Variants in SHROOM2 observed in about 807,000 individuals in gnomAD.
SHROOM2 encodes shroom family member 2, also known as protein Shroom2.
A neutral mutation model predicts 75.9 loss-of-function variants in SHROOM2; 33 were observed. The observed-to-expected ratio is 0.43, with a 90% CI of 0.33 to 0.58. The LOEUF (loss-of-function observed/expected upper bound fraction) is 0.58, where lower values mean the gene tolerates loss of function less well. Among genes scored for constraint, SHROOM2 ranks in the 20% least tolerant of loss-of-function variants. SHROOM2 has a pLI of 0.04. For synonymous variants in SHROOM2, 655 were observed against 663.6 expected (o/e 0.99, Z 0.20); for missense variants, 1,434 against 1,461.2 (o/e 0.98, Z 0.30).
chrX:9,786,578 G>A lies in SHROOM2; in HGVS notation c.33G>A (p.Glu11=). The A allele has an allele frequency of 2.3e-6, 2 of 864,523 alleles. No individual in the cohort carries two copies. Among genetic ancestry groups the A allele is most frequent in the African/African-American group, 4.3e-5 (2 of 46,735 alleles). The allele number at this position is 864,523 out of a possible 1,213,427, so 71.2% of individuals were successfully genotyped here. Residue 11 remains glutamate (E), a synonymous_variant, in exon 1 of 10, where the codon GAG becomes GAA. Transcript: ENST00000380913. ...GCGCCGAGCCCCGCGCGCGGCCCGAGCGCCTGGCCGAGGCCGAGACGCGGG... is the reference window on the plus strand; with the variant it reads ...GCGCCGAGCCCCGCGCGCGGCCCGAACGCCTGGCCGAGGCCGAGACGCGGG... MEGAEPRARP[E]RLAEAETRAA...
intron 5 of SHROOM2, among the ~76,000 whole-genome samples, chrX:9,919,637 T>G (rs759202730): frequency 1.8e-5 from 2 of 110,644 alleles, no homozygotes; most frequent in African/African-American, 6.6e-5. Flanking sequence ...GCCCCGCATT[T>G]CACTGGATCT....
intron 2 of SHROOM2, among the ~76,000 whole-genome samples, chrX:9,882,538 G>C (rs1317345234): frequency 9.0e-6 from 1 of 111,229 alleles, no homozygotes; most frequent in African/African-American, 3.3e-5. Context: ...TTATAGAAAT[G>C]AACATTACAG....
rs1461333246 is a variant in SHROOM2 at position 9,948,261 on chromosome X, G to A, written c.*1324G>A. The A allele has an allele frequency of 8.9e-6, 1 of 112,522 alleles. No individual in the cohort carries two copies. Among genetic ancestry groups the A allele is most frequent in the African/African-American group, 3.2e-5 (1 of 31,019 alleles). 9.3% of individuals were successfully genotyped at this position (112,522 alleles called of 1,213,427 possible). ...CACGAAAAGACGTTCAGCCGCCGAT[G>A]GCTTGGTTATAATTTATAACTTACT... On this transcript the variant is annotated 3_prime_UTR_variant, in exon 10 of 10. Coordinates refer to ENST00000380913, the MANE Select transcript of SHROOM2 (RefSeq NM_001649.4).
chrX:9,937,462 G>C lies in SHROOM2; in HGVS notation c.3916G>C (p.Ala1306Pro). The C allele has an allele frequency of 8.3e-7, 1 of 1,211,462 alleles. No individual in the cohort carries two copies. Among genetic ancestry groups the C allele is most frequent in the Non-Finnish European group, 1.1e-6 (1 of 895,394 alleles). Residue 1306 changes from alanine to proline, a missense_variant, in exon 7 of 10, where the codon GCC (alanine) becomes CCC (proline). By Grantham distance (27) the Ala-to-Pro change is conservative. Around this residue, in one of 3 missense-constraint regions of SHROOM2, gnomAD observed 1,340 missense variants for 1,338.3 expected, o/e 1.00. Transcript: ENST00000380913. Reference protein sequence around the residue: ...TSPPGLSYMKAKEKTVEDLKS... With the variant: ...TSPPGLSYMKPKEKTVEDLKS... ...CCCTCCAGGGCTCAGCTACATGAAG[G>C]CCAAAGAGAAGACTGTGGAAGACCT...
At chrX:9,907,794 T>G (rs185945009) in intron 5 of SHROOM2, among the ~76,000 whole-genome samples, 6 of 112,066 alleles carry the variant, frequency 5.4e-5, no homozygotes, top group South Asian at 3.8e-4. Context: ...AAATAAAGTT[T>G]TATTGGCATG....
At chrX:9,869,494 G>A (rs1392665029) in intron 1 of SHROOM2, among the ~76,000 whole-genome samples, 1 of 111,541 alleles carries the variant, frequency 9.0e-6, no homozygotes, top group Non-Finnish European at 1.9e-5. Context: ...CCAGCCCCTG[G>A]TAATCACCAT....
chrX:9,902,337 G>A (rs1323144514), intron 5 of SHROOM2, among the ~76,000 whole-genome samples: 1 of 110,616 alleles, frequency 9.0e-6, no homozygotes, highest in Non-Finnish European at 1.9e-5. Flanking sequence ...ATACATGGGT[G>A]CATGGATGGA....
intron 1 of SHROOM2, among the ~76,000 whole-genome samples, chrX:9,855,361 T>G (rs2084063744): frequency 1.0e-5 from 1 of 99,099 alleles, no homozygotes; most frequent in South Asian, 4.7e-4. Context: ...TGTCAAAATG[T>G]GGTAAAAAGG....
At chrX:9,946,626 C>T in intron 9 of SHROOM2, 45 bp from the exon 10 acceptor site, 3 of 1,172,252 alleles carry the variant, frequency 2.6e-6, no homozygotes, top group East Asian at 3.0e-5. Flanking sequence ...GCCAGTGCCC[C>T]AGCTTTCATC....
chrX:9,837,847 T>C (rs941398498), intron 1 of SHROOM2, among the ~76,000 whole-genome samples: 3 of 110,889 alleles, frequency 2.7e-5, no homozygotes, highest in African/African-American at 9.9e-5. Context: ...CACATCCTTC[T>C]TGGGCCAGGC....
intron 2 of SHROOM2, among the ~76,000 whole-genome samples, chrX:9,886,089 T>A (rs953164848): frequency 3.5e-5 from 4 of 112,907 alleles, no homozygotes; most frequent in African/African-American, 1.3e-4. Context: ...TCATACAGCA[T>A]TGCTCATTCT....
chrX:9,917,205 A>G (rs2084498033), intron 5 of SHROOM2, among the ~76,000 whole-genome samples: 1 of 111,750 alleles, frequency 8.9e-6, no homozygotes, highest in African/African-American at 3.2e-5. Context: ...TCGTGGTCCT[A>G]TTGGAAGCAC....
intron 5 of SHROOM2, among the ~76,000 whole-genome samples, chrX:9,923,950 C>G (rs1340518909): frequency 8.9e-6 from 1 of 112,359 alleles, no homozygotes; most frequent in African/African-American, 3.2e-5. Context: ...CATCCAAGTC[C>G]CTGCAAGCAC....
intron 1 of SHROOM2, among the ~76,000 whole-genome samples, chrX:9,791,121 C>T (rs936955830): frequency 9.2e-6 from 1 of 109,177 alleles, no homozygotes; most frequent in Non-Finnish European, 1.9e-5. Context: ...CTTAACATGT[C>T]GTAACATTTA....
chrX:9,920,908 G>A (rs772413959), intron 5 of SHROOM2, among the ~76,000 whole-genome samples: 9 of 112,279 alleles, frequency 8.0e-5, no homozygotes, highest in East Asian at 5.6e-4. Context: ...ATAACAAATC[G>A]TCCACCAATT....
intron 1 of SHROOM2, among the ~76,000 whole-genome samples, chrX:9,868,717 A>C (rs1198345491): frequency 4.7e-5 from 4 of 85,009 alleles, no homozygotes; most frequent in African/African-American, 1.3e-4. Flanking sequence ...TATCTGGCTA[A>C]TTTTTTACCC....
At position 9,949,018 on chromosome X, in the gene SHROOM2, C is replaced by T; in HGVS notation, c.*2081C>T. The T allele has an allele frequency of 1.2e-5, 2 of 171,190 alleles. No individual in the cohort carries two copies. Among genetic ancestry groups the T allele is most frequent in the South Asian group, 2.4e-4 (2 of 8,369 alleles). The allele number at this position is 171,190 out of a possible 1,213,427, so 14.1% of individuals were successfully genotyped here. On this transcript the variant is annotated 3_prime_UTR_variant, in exon 10 of 10. Transcript: ENST00000380913. ...TAATCCAATTGGTGTCTGTACTCAG[C>T]CTTTTGATGTCTTTTTAGGACTTTC...
intron 1 of SHROOM2, among the ~76,000 whole-genome samples, chrX:9,848,515 A>C (rs2084019568): frequency 1.0e-5 from 1 of 99,744 alleles, no homozygotes; most frequent in African/African-American, 3.5e-5. Context: ...CGTCTCAAAA[A>C]AAAAAAAAAA....
intron 5 of SHROOM2, among the ~76,000 whole-genome samples, chrX:9,916,833 T>C (rs1336652986): frequency 8.9e-6 from 1 of 111,968 alleles, no homozygotes; most frequent in Non-Finnish European, 1.9e-5. Flanking sequence ...ATCCCTACCG[T>C]GTGCTGTGTG....
Sources: gnomAD v4.1 joint callset for allele counts (sites outside exome capture counted in the v4.1 genomes callset) on GRCh38, gnomAD v4.1.1 for gene constraint, gnomAD v4.1.1 regional missense constraint, MANE v1.5 for transcripts, NCBI Gene and HGNC (gene_info 2026-07-23, HGNC 2026-07-21) for gene names.